ATP8B3: variants seen among roughly 807,000 people sequenced by gnomAD.
ATP8B3 encodes phospholipid-transporting ATPase IK.
Under a neutral mutation model 140.9 loss-of-function variants are expected in ATP8B3, and 141 were observed. The ratio of observed to expected loss-of-function variants is 1.00; its 90% CI spans 0.87 to 1.15. The LOEUF is 1.15. Among genes scored for constraint, ATP8B3 ranks in the 50% most tolerant of loss-of-function variants. The pLI is 0.00. For missense variants in ATP8B3, 1,874 were observed against 1,740.6 expected (o/e 1.08, Z -1.36); for synonymous variants, 765 against 714.6 (o/e 1.07, Z -1.13).
chr19:1,795,278 G>A (rs568144553), intron 18 of ATP8B3, among the ~76,000 whole-genome samples: 5 of 151,036 alleles, frequency 3.3e-5, no homozygotes, highest in South Asian at 2.1e-4. Flanking sequence ...CAGGCTGGGC[G>A]CGATGGCTCA....
chr19:1,806,928 C>A lies in ATP8B3; in HGVS notation c.616-239G>T, dbSNP rs578055637. Among the ~76,000 whole-genome samples, 1 of 152,150 alleles carries A rather than the reference C, an allele frequency of 6.6e-6. No homozygotes were observed. Among genetic ancestry groups the A allele is most frequent in the Non-Finnish European group, 1.5e-5 (1 of 68,016 alleles). On this transcript the variant is annotated intron_variant, in intron 6 of 28. Coordinates refer to ENST00000310127, the MANE Select transcript of ATP8B3 (RefSeq NM_138813.4). The surrounding 1 kb of genome is among the most constrained non-coding windows in gnomAD (Gnocchi z 5.6). ...CTAGAGTGCCTGCCAGACCACCCCC[C>A]ACCAAAGCTCAATGGCCCCAAAACC...
rs551974726 is a variant in ATP8B3, at chr19:1,806,333, G to T, written c.678-164C>A. The T allele has an allele frequency of 4.1e-6, 6 of 1,469,728 alleles. No homozygotes were observed. Among genetic ancestry groups the T allele is most frequent in the Non-Finnish European group, 5.4e-6 (6 of 1,115,772 alleles). The allele number at this position is 1,469,728 out of a possible 1,614,324, so 91.0% of individuals were successfully genotyped here. A position where few individuals can be genotyped will look rare whatever the true frequency, so the allele number is the denominator to read the frequency against. On this transcript the variant is annotated intron_variant, in intron 7 of 28. Coordinates refer to ENST00000310127, the MANE Select transcript of ATP8B3 (RefSeq NM_138813.4). The surrounding 1 kb of genome is among the most constrained non-coding windows in gnomAD (Gnocchi z 5.6). Reference sequence around the variant, plus strand: ...CCCGGGCTCCCACCCCACTCCCCGCGGGTCCACGCTCCCACCCAGTGACCT... The same window carrying T: ...CCCGGGCTCCCACCCCACTCCCCGCTGGTCCACGCTCCCACCCAGTGACCT...
chr19:1,782,419 CAGCT>C lies in ATP8B3; in HGVS notation c.*605_*608del. 1 of 214,330 alleles carries C rather than the reference CAGCT, an allele frequency of 4.7e-6. No individual in the cohort carries two copies. The highest frequency in any genetic ancestry group is 9.1e-6 in the Non-Finnish European group (1 of 109,432). The allele number at this position is 214,330 out of a possible 1,614,324, so 13.3% of individuals were successfully genotyped here. ...ATGATGACTGCTTCTCCGCGGGCCACAGCTCCACCTCCATAGGCTGCTCGCTCGT... is the reference window on the plus strand; with the variant it reads ...ATGATGACTGCTTCTCCGCGGGCCACCCACCTCCATAGGCTGCTCGCTCGT... On this transcript the variant is annotated 3_prime_UTR_variant, in exon 29 of 29. Coordinates refer to ENST00000310127, the MANE Select transcript of ATP8B3 (RefSeq NM_138813.4).
Position 1,800,545 on chromosome 19 carries a change from C to T in ATP8B3, c.1153-96G>A. 1 of 1,124,288 alleles carries T rather than the reference C, an allele frequency of 8.9e-7. No homozygotes were observed. Among genetic ancestry groups the T allele is most frequent in the Non-Finnish European group, 1.3e-6 (1 of 782,078 alleles). 69.6% of individuals were successfully genotyped at this position (1,124,288 alleles called of 1,614,324 possible). A position where few individuals can be genotyped will look rare whatever the true frequency, so the allele number is the denominator to read the frequency against. ...ACACAAAGATAAGGCTGGGGCTGGG[C>T]ACAGTGGCTCATGCCTGTAATCTCA... On this transcript the variant is annotated intron_variant, in intron 12 of 28. Transcript: ENST00000310127. This position sits in a 1 kb window ranked among gnomAD's most constrained non-coding sequence, Gnocchi z 4.4.
chr19:1,796,564 G>C (rs960343572), intron 16 of ATP8B3, 147 bp downstream of exon 16: 18 of 1,088,950 alleles, frequency 1.7e-5, no homozygotes, highest in Admixed American at 2.9e-5. Flanking sequence ...GGACGCCCTC[G>C]AGGTGCGGCT....
rs548229473 is a variant in ATP8B3 at position 1,806,006 on chromosome 19, T to C, written c.751-48A>G. The stretch of plus-strand genomic sequence containing the variant: ...GTTGCAAGAGGGGATGCAAGACAAA[T>C]TGGGGGTGCGGCAGCCCTCCCCACC... On this transcript the variant is annotated intron_variant, in intron 8 of 28. Coordinates refer to ENST00000310127, the MANE Select transcript of ATP8B3 (RefSeq NM_138813.4). This position sits in a 1 kb window ranked among gnomAD's most constrained non-coding sequence, Gnocchi z 5.6. 1.4e-4 allele frequency: 222 copies of C among 1,607,810 alleles called. 1 individual carries two copies. The highest frequency in any genetic ancestry group is 1.8e-4 in the Non-Finnish European group (207 of 1,178,066).
Position 1,811,509 on chromosome 19 carries a change from C to A in ATP8B3, c.228G>T (p.Lys76Asn), listed in dbSNP as rs1228458418. ...RHKAQPGRAR[K>N]YEWRPEGPTS... ...CTCACCCTTCTGGTCTCCATTCATA[C>A]TTCCTAGCCCGGCCAGGCTGGGCCT... Residue 76 changes from lysine to asparagine, a missense_variant, in exon 2 of 29, where the codon AAG becomes AAT. Lys to Asn is a moderately conservative substitution (Grantham distance 94). This residue lies in a region of ATP8B3 where 1,032 missense variants were observed against 963.6 expected (regional missense o/e 1.07). Coordinates refer to ENST00000310127, the MANE Select transcript of ATP8B3 (RefSeq NM_138813.4). 5.6e-6 allele frequency: 9 copies of A among 1,612,086 alleles called. No individual in the cohort carries two copies. The highest frequency in any genetic ancestry group is 7.6e-6 in the Non-Finnish European group (9 of 1,179,702).
At chr19:1,789,282 TC>T in intron 23 of ATP8B3, 78 bp downstream of exon 23, 9 of 683,536 alleles carry the variant, frequency 1.3e-5, no homozygotes, top group South Asian at 4.1e-5. Context: ...CTGCCCCAGG[TC>T]CCCCCAGTCC....
At position 1,783,039 on chromosome 19, in the gene ATP8B3, C is replaced by T. The variant is rs969677234; in HGVS notation, c.3892G>A (p.Glu1298Lys). The T allele has an allele frequency of 5.5e-5, 89 of 1,606,930 alleles. No homozygotes were observed. Among genetic ancestry groups the T allele is most frequent in the Non-Finnish European group, 7.6e-5 (89 of 1,176,940 alleles). The change falls in exon 29 of 29, where the codon GAG (glutamate) becomes AAG (lysine). Residue 1298 changes from glutamate to lysine, a missense_variant. Glu to Lys is a moderately conservative substitution (Grantham distance 56). This residue lies in a region of ATP8B3 where 840 missense variants were observed against 760.9 expected (regional missense o/e 1.10). Coordinates refer to ENST00000310127, the MANE Select transcript of ATP8B3 (RefSeq NM_138813.4). The part of the protein sequence containing the change: ...SDEEAASSPK[E>K]SQ ...ATCTTCCTGAGGTGTCACTGTGACT[C>T]TTTTGGGCTCGAAGCTGCCTCTTCA...
In ATP8B3 at chr19:1,782,452, C is replaced by T. The variant is rs2068188714; in HGVS notation, c.*576G>A. ...CCTCCATAGGCTGCTCGCTCGTGGA[C>T]GTGGACGATTCTTCCAGACTTGGTG... On this transcript the variant is annotated 3_prime_UTR_variant, in exon 29 of 29. Coordinates refer to ENST00000310127, the MANE Select transcript of ATP8B3 (RefSeq NM_138813.4). 1.4e-5 allele frequency: 3 copies of T among 207,422 alleles called. No individual in the cohort carries two copies. Among genetic ancestry groups the T allele is most frequent in the Admixed American group, 1.1e-4 (2 of 18,046 alleles). 12.8% of individuals were successfully genotyped at this position (207,422 alleles called of 1,614,324 possible). A position where few individuals can be genotyped will look rare whatever the true frequency, so the allele number is the denominator to read the frequency against.
At position 1,792,514 on chromosome 19, in the gene ATP8B3, A is replaced by G. The variant is rs141564442; in HGVS notation, c.2056-379T>C. Among the ~76,000 whole-genome samples the G allele has an allele frequency of 2.7e-4, 39 of 147,148 alleles. No individual in the cohort carries two copies. In the East Asian group the frequency reaches 3.7e-3, roughly 14 times the overall value. ...AGAATTGCTTGAACTTGGGAGGCGG[A>G]GGTTGCAGCGAGCTGAGATCACACC... is the stretch of plus-strand genomic sequence containing the variant. On this transcript the variant is annotated intron_variant, in intron 18 of 28. Coordinates refer to ENST00000310127, the MANE Select transcript of ATP8B3 (RefSeq NM_138813.4).
rs927475574 is a variant in ATP8B3, at chr19:1,806,778, G to T, written c.616-89C>A. Reference sequence around the variant, plus strand: ...GCCGCACTGCAGCCCAGCAGTGCCCGCCCGCAACACGGGGTCCCTGTCCGC... The same window carrying T: ...GCCGCACTGCAGCCCAGCAGTGCCCTCCCGCAACACGGGGTCCCTGTCCGC... On this transcript the variant is annotated intron_variant, in intron 6 of 28. Transcript: ENST00000310127. This position sits in a 1 kb window ranked among gnomAD's most constrained non-coding sequence, Gnocchi z 5.6. The T allele has an allele frequency of 1.2e-5, 16 of 1,390,656 alleles. No individual in the cohort carries two copies. Among genetic ancestry groups the T allele is most frequent in the South Asian group, 2.5e-5 (2 of 80,132 alleles). The allele number at this position is 1,390,656 out of a possible 1,614,324, so 86.1% of individuals were successfully genotyped here. A position where few individuals can be genotyped will look rare whatever the true frequency, so the allele number is the denominator to read the frequency against.
rs771645141 is a variant in ATP8B3 at position 1,811,660 on chromosome 19, C to T, written c.77G>A (p.Gly26Glu). Residue 26 changes from glycine to glutamate, a missense_variant, in exon 2 of 29, where the codon GGG (glycine) becomes GAG (glutamate). Around this residue, in one of 3 missense-constraint regions of ATP8B3, gnomAD observed 1,032 missense variants for 963.6 expected, o/e 1.07. Coordinates refer to ENST00000310127, the MANE Select transcript of ATP8B3 (RefSeq NM_138813.4). ...PEPSPAPPGP[G>E]DTGDSDVTQE... is the part of the protein sequence containing the mutation. Reference sequence around the variant, plus strand: ...AGTCACGTCTGAGTCACCCGTGTCCCCAGGTCCTGGTGGGGCAGGGCTTGG... The same window carrying T: ...AGTCACGTCTGAGTCACCCGTGTCCTCAGGTCCTGGTGGGGCAGGGCTTGG... 2.5e-6 allele frequency: 4 copies of T among 1,610,434 alleles called. No homozygotes were observed. The highest frequency in any genetic ancestry group is 3.4e-6 in the Non-Finnish European group (4 of 1,179,760).
chr19:1,789,418 G>A lies in ATP8B3; in HGVS notation c.2788C>T (p.His930Tyr), dbSNP rs1372040894. The change falls in exon 23 of 29, where the codon CAC becomes TAC. Residue 930 changes from histidine to tyrosine, a missense_variant. This residue lies in a region of ATP8B3 where 840 missense variants were observed against 760.9 expected (regional missense o/e 1.10). Transcript: ENST00000310127. ...CCGATGGCCAGGGTCACCACCTGGT[G>A]GTACTTCTTGACCAGGGCCACGATC... ...ALIVALVKKY[H>Y]QVVTLAIGDG... The A allele has an allele frequency of 6.3e-7, 1 of 1,597,710 alleles. No individual in the cohort carries two copies. Among genetic ancestry groups the A allele is most frequent in the African/African-American group, 1.3e-5 (1 of 74,156 alleles).
At chr19:1,801,858 A>G (rs2068853683) in intron 12 of ATP8B3, 98 bp downstream of exon 12, 1 of 908,030 alleles carries the variant, frequency 1.1e-6, no homozygotes, top group African/African-American at 1.6e-5. Flanking sequence ...ATCAGGCCGC[A>G]CATTTTGCAG....
At position 1,807,288 on chromosome 19, in the gene ATP8B3, A is replaced by G. The variant is rs758694180; in HGVS notation, c.517-22T>C. ...TGCTCTGACGTGAGGGGGCCACAGG[A>G]AGGGTCACACCAGCCCACTCCCCCG... On this transcript the variant is annotated intron_variant, in intron 5 of 28. Transcript: ENST00000310127. The surrounding 1 kb of genome is among the most constrained non-coding windows in gnomAD (Gnocchi z 5.9). The G allele has an allele frequency of 1.9e-6, 3 of 1,595,974 alleles. No individual in the cohort carries two copies. The East Asian group carries it at 6.7e-5, about 36-fold the overall frequency.
chr19:1,804,589 C>T (rs1460056370), intron 10 of ATP8B3, among the ~76,000 whole-genome samples: 7 of 150,394 alleles, frequency 4.7e-5, no homozygotes, highest in Admixed American at 1.3e-4. Context: ...GCCTGGGCAA[C>T]AGAGCGAGAC....
intron 18 of ATP8B3, 105 bp downstream of exon 18, chr19:1,795,770 C>A (rs2068644378): frequency 8.5e-7 from 1 of 1,173,240 alleles, no homozygotes; most frequent in Non-Finnish European, 1.2e-6. Context: ...CCTGCCTCCT[C>A]CTCCTCCTGT....
At chr19:1,786,382 A>G (rs1345560373) in intron 25 of ATP8B3, among the ~76,000 whole-genome samples, 1 of 152,054 alleles carries the variant, frequency 6.6e-6, no homozygotes, top group Non-Finnish European at 1.5e-5. Context: ...CCTGGCCAAC[A>G]TGGCGAAATC....
Sources: gnomAD v4.1 joint callset for allele counts (sites outside exome capture counted in the v4.1 genomes callset) on GRCh38, gnomAD v4.1.1 for gene constraint, gnomAD v4.1.1 regional missense constraint, Gnocchi (gnomAD v3.1) non-coding constraint, MANE v1.5 for transcripts, NCBI Gene and HGNC (gene_info 2026-07-23, HGNC 2026-07-21) for gene names.